Variants in LPGAT1 observed in about 807,000 individuals in gnomAD.
LPGAT1 encodes the protein acyl-CoA:lysophosphatidylglycerol acyltransferase 1.
LPGAT1 carries 11 observed loss-of-function variants against 47.5 expected under a neutral mutation model. The observed-to-expected ratio is 0.23, with a 90% CI of 0.15 to 0.38. The LOEUF (loss-of-function observed/expected upper bound fraction) is 0.38. LPGAT1 is among the 10% of genes least tolerant of loss of function. The pLI is 1.00. For missense variants in LPGAT1, 293 were observed against 439.0 expected (o/e 0.67, Z 2.97); for synonymous variants, 138 against 144.2 (o/e 0.96, Z 0.31).
intron 6 of LPGAT1, among the ~76,000 whole-genome samples, chr1:211,778,517 A>G (rs1401809322): frequency 6.6e-6 from 1 of 152,106 alleles, no homozygotes; most frequent in South Asian, 2.1e-4. Context: ...ACTTGCTTTC[A>G]CTTTACAGAC....
intron 2 of LPGAT1, among the ~76,000 whole-genome samples, chr1:211,826,231 C>T (rs1294959840): frequency 6.6e-6 from 1 of 152,152 alleles, no homozygotes; most frequent in Non-Finnish European, 1.5e-5. Flanking sequence ...TTACAGGGCT[C>T]ATTTTTGTGA....
chr1:211,795,674 G>C (rs1366949335), intron 2 of LPGAT1, among the ~76,000 whole-genome samples: 1 of 152,048 alleles, frequency 6.6e-6, no homozygotes, highest in East Asian at 1.9e-4. Flanking sequence ...GCCTAGTTAT[G>C]TTTTTAAAAA....
At chr1:211,827,553 T>C (rs1660576406) in intron 2 of LPGAT1, among the ~76,000 whole-genome samples, 1 of 152,168 alleles carries the variant, frequency 6.6e-6, no homozygotes, top group African/African-American at 2.4e-5. Context: ...GAAAATACTA[T>C]AAGCTAATTT....
At chr1:211,800,298 C>T (rs939369335) in intron 2 of LPGAT1, among the ~76,000 whole-genome samples, 5 of 151,384 alleles carry the variant, frequency 3.3e-5, no homozygotes, top group Admixed American at 2.6e-4. Flanking sequence ...TGGGATTACA[C>T]GTGTGAGCCA....
chr1:211,825,776 T>C (rs528276124), intron 2 of LPGAT1, among the ~76,000 whole-genome samples: 4 of 152,212 alleles, frequency 2.6e-5, no homozygotes, highest in African/African-American at 7.2e-5. Flanking sequence ...CTGGCCAACA[T>C]AGTGAAACCC....
At chr1:211,773,593 C>T (rs4951550) in intron 6 of LPGAT1, among the ~76,000 whole-genome samples, 51,749 of 151,996 alleles carry the variant, frequency 0.34, 10,477 homozygotes, top group East Asian at 0.71. Context: ...GCACAAGGAT[C>T]GTTTTCTCTA....
intron 2 of LPGAT1, among the ~76,000 whole-genome samples, chr1:211,814,098 C>A (rs999738776): frequency 1.3e-5 from 2 of 152,134 alleles, no homozygotes; most frequent in Non-Finnish European, 2.9e-5. Flanking sequence ...TAAAGGATTT[C>A]TTATTAATCA....
intron 2 of LPGAT1, among the ~76,000 whole-genome samples, chr1:211,815,952 G>A (rs139428502): frequency 0.024 from 3,591 of 151,588 alleles, 66 homozygotes; most frequent in Non-Finnish European, 0.03. Flanking sequence ...CTAATTTTTT[G>A]TATTTTTTTT....
intron 3 of LPGAT1, among the ~76,000 whole-genome samples, chr1:211,788,508 C>A (rs1052011115): frequency 6.6e-6 from 1 of 151,908 alleles, no homozygotes; most frequent in Non-Finnish European, 1.5e-5. Context: ...AATGGTGAAA[C>A]CCCATCTCTA....
At chr1:211,808,350 C>CAA (rs34803941) in intron 2 of LPGAT1, among the ~76,000 whole-genome samples, 42 of 122,710 alleles carry the variant, frequency 3.4e-4, no homozygotes, top group African/African-American at 5.5e-4. Flanking sequence ...AACTCCGTCT[C>CAA]AAAAAAAAAA....
intron 2 of LPGAT1, among the ~76,000 whole-genome samples, chr1:211,810,453 T>C (rs1659947986): frequency 6.6e-6 from 1 of 152,172 alleles, no homozygotes; most frequent in Non-Finnish European, 1.5e-5. Flanking sequence ...ACAGATAGAC[T>C]GGAATCTTGA....
intron 2 of LPGAT1, among the ~76,000 whole-genome samples, chr1:211,814,597 T>C (rs979582588): frequency 1.2e-4 from 18 of 152,310 alleles, no homozygotes; most frequent in Middle Eastern, 3.4e-3. Flanking sequence ...AGTTTCCTAA[T>C]ACACTAGCTG....
chr1:211,751,125 C>A, intron 6 of LPGAT1, 58 bp from the exon 7 acceptor site: 3 of 1,080,572 alleles, frequency 2.8e-6, no homozygotes. Flanking sequence ...CAAAATCATT[C>A]AGAACCACAA....
intron 2 of LPGAT1, among the ~76,000 whole-genome samples, chr1:211,793,534 G>A (rs12563633): frequency 0.083 from 12,555 of 152,036 alleles, 645 homozygotes; most frequent in Admixed American, 0.15. Context: ...CCGGGTTCAA[G>A]CAATTCTCCT....
chr1:211,788,336 A>T (rs1445946583), intron 3 of LPGAT1, among the ~76,000 whole-genome samples: 1 of 152,186 alleles, frequency 6.6e-6, no homozygotes, highest in Non-Finnish European at 1.5e-5. Context: ...ACTGCTGATA[A>T]GAGTTAATAC....
chr1:211,745,063 T>C lies in LPGAT1; in HGVS notation c.*4836A>G, dbSNP rs1260903578. 2 of 152,798 alleles carry C rather than the reference T, an allele frequency of 1.3e-5. No individual in the cohort carries two copies. Among genetic ancestry groups the C allele is most frequent in the Non-Finnish European group, 2.9e-5 (2 of 68,036 alleles). The allele number at this position is 152,798 out of a possible 1,614,324, so 9.5% of individuals were successfully genotyped here. A position where few individuals can be genotyped will look rare whatever the true frequency, so the allele number is the denominator to read the frequency against. On this transcript the variant is annotated 3_prime_UTR_variant, in exon 8 of 8. Transcript: ENST00000366997. ...TTAATTTTTGTTGAGAAAATGCTTC[T>C]TTTGGTGTTCACATCTAAATTTCTG...
At position 211,787,611 on chromosome 1, in the gene LPGAT1, GA is replaced by G; in HGVS notation, c.453+20del. On this transcript the variant is annotated intron_variant, in intron 4 of 7. Transcript: ENST00000366997. ...AATTTGACCAGGCTATCACTGCGGG[GA>G]AAAAGTGCTCATTACTTACCTGTCT... 5 of 1,370,562 alleles carry G rather than the reference GA, an allele frequency of 3.6e-6. No individual in the cohort carries two copies. Among genetic ancestry groups the G allele is most frequent in the South Asian group, 1.2e-5 (1 of 80,928 alleles). 84.9% of individuals were successfully genotyped at this position (1,370,562 alleles called of 1,614,324 possible). A position where few individuals can be genotyped will look rare whatever the true frequency, so the allele number is the denominator to read the frequency against.
chr1:211,818,805 G>A (rs530389060), intron 2 of LPGAT1, among the ~76,000 whole-genome samples: 1 of 152,272 alleles, frequency 6.6e-6, no homozygotes, highest in African/African-American at 2.4e-5. Flanking sequence ...TCGTTTTGAT[G>A]ACATTTTCTT....
At chr1:211,769,031 G>C (rs1324800500) in intron 6 of LPGAT1, among the ~76,000 whole-genome samples, 3 of 152,190 alleles carry the variant, frequency 2.0e-5, no homozygotes, top group Non-Finnish European at 4.4e-5. Flanking sequence ...ACCACTCTAA[G>C]ACTTCAGGGG....
Sources: gnomAD v4.1 joint callset for allele counts (sites outside exome capture counted in the v4.1 genomes callset) on GRCh38, gnomAD v4.1.1 for gene constraint, MANE v1.5 for transcripts, NCBI Gene and HGNC (gene_info 2026-07-23, HGNC 2026-07-21) for gene names.